The following SOX5 variants were observed in gnomAD, a reference collection of about 807,000 sequenced individuals.
SOX5 encodes the protein SRY-box transcription factor 5, also known as transcription factor SOX-5.
Under a neutral mutation model 92.0 loss-of-function variants are expected in SOX5, and 9 were observed. The ratio of observed to expected loss-of-function variants is 0.10; its 90% CI spans 0.06 to 0.17. SOX5 has a LOEUF of 0.17. Ranked by LOEUF, SOX5 falls within the 10% of genes least tolerant of loss-of-function variation. The pLI, the probability that SOX5 is intolerant of heterozygous loss-of-function variation, is 1.00. For synonymous variants in SOX5, 344 were observed against 336.3 expected (o/e 1.02, Z -0.25); for missense variants, 642 against 944.5 (o/e 0.68, Z 4.20).
intron 1 of SOX5, among the ~76,000 whole-genome samples, chr12:23,939,359 G>A (rs1156604356): frequency 6.6e-6 from 1 of 150,930 alleles, no homozygotes; most frequent in Admixed American, 6.6e-5. Context: ...CTGGTTCAGT[G>A]AGGTTATTTT....
At chr12:24,364,082 C>T (rs1024966465) in intron 2 of SOX5, among the ~76,000 whole-genome samples, 3 of 151,994 alleles carry the variant, frequency 2.0e-5, no homozygotes, top group Non-Finnish European at 4.4e-5. Context: ...GAGAAAAATC[C>T]CAATCAGTGA....
chr12:24,268,454 G>A (rs992690448), intron 3 of SOX5, among the ~76,000 whole-genome samples: 8 of 152,002 alleles, frequency 5.3e-5, no homozygotes, highest in Non-Finnish European at 5.9e-5. Flanking sequence ...AGAGATTTAC[G>A]TGTACAATAA....
intron 1 of SOX5, among the ~76,000 whole-genome samples, chr12:24,542,320 C>T (rs540418731): frequency 1.3e-5 from 2 of 152,316 alleles, no homozygotes; most frequent in Admixed American, 1.3e-4. Context: ...CTTTTCATAC[C>T]ATAGCCCAAA....
intron 2 of SOX5, among the ~76,000 whole-genome samples, chr12:24,282,809 C>T (rs1329670547): frequency 6.6e-6 from 1 of 152,148 alleles, no homozygotes; most frequent in African/African-American, 2.4e-5. Flanking sequence ...CATCTGAAGC[C>T]AGCACCTGCA....
rs766582468 is a variant in SOX5, at chr12:23,967,631, C to G, written c.-1-71607G>C. Among the ~76,000 whole-genome samples the G allele has an allele frequency of 4.6e-5, 7 of 152,190 alleles. No homozygotes were observed. In the East Asian group the frequency reaches 1.3e-3, roughly 29 times the overall value. On this transcript the variant is annotated intron_variant, in intron 4 of 4. Transcript: ENST00000446891. ...GCCAATGGTTACAACAAAAACACTA[C>G]ATTTTATCTCTGCAATAAAACATTG...
intron 1 of SOX5, among the ~76,000 whole-genome samples, chr12:24,424,823 G>A (rs1657689607): frequency 6.9e-6 from 1 of 144,052 alleles, no homozygotes; most frequent in South Asian, 2.2e-4. Context: ...GGGGGGGATG[G>A]CTGTTTTTCC....
At chr12:24,287,245 G>A (rs758793411) in intron 2 of SOX5, among the ~76,000 whole-genome samples, 5 of 152,092 alleles carry the variant, frequency 3.3e-5, no homozygotes, top group Non-Finnish European at 5.9e-5. Flanking sequence ...AACTTACAAG[G>A]TATTTTTAGT....
intron 2 of SOX5, among the ~76,000 whole-genome samples, chr12:23,887,477 T>A (rs1356703536): frequency 6.6e-6 from 1 of 152,216 alleles, no homozygotes; most frequent in African/African-American, 2.4e-5. Flanking sequence ...TAATCCTTCC[T>A]TAATGCATGT....
intron 1 of SOX5, among the ~76,000 whole-genome samples, chr12:24,441,318 C>G (rs915612890): frequency 2.0e-5 from 3 of 152,188 alleles, no homozygotes; most frequent in Non-Finnish European, 4.4e-5. Context: ...TTTATGCAAT[C>G]TTTCTCCTCC....
intron 9 of SOX5, among the ~76,000 whole-genome samples, chr12:23,602,278 G>T (rs1284526259): frequency 6.6e-6 from 1 of 152,076 alleles, no homozygotes; most frequent in Non-Finnish European, 1.5e-5. Flanking sequence ...AGTCTATGAG[G>T]TTCTATGAAT....
At chr12:24,138,776 A>T (rs1390896679) in intron 4 of SOX5, among the ~76,000 whole-genome samples, 1 of 152,156 alleles carries the variant, frequency 6.6e-6, no homozygotes. Context: ...GAGACATAAA[A>T]ATTTCTCTCA....
intron 2 of SOX5, among the ~76,000 whole-genome samples, chr12:24,297,830 C>T (rs1033312671): frequency 5.9e-5 from 9 of 152,306 alleles, no homozygotes; most frequent in East Asian, 5.8e-4. Flanking sequence ...GCAGGAGTAA[C>T]GATGTTTATC....
chr12:24,203,439 G>A (rs142775159), intron 4 of SOX5, among the ~76,000 whole-genome samples: 30 of 152,272 alleles, frequency 2.0e-4, no homozygotes, highest in Middle Eastern at 3.4e-3. Context: ...CACCACCACT[G>A]GGGTGTTAAT....
intron 4 of SOX5, among the ~76,000 whole-genome samples, chr12:24,040,068 A>C (rs1368790829): frequency 6.6e-6 from 1 of 152,202 alleles, no homozygotes; most frequent in African/African-American, 2.4e-5. Flanking sequence ...CAATGTGATC[A>C]AACAGATCAA....
chr12:24,409,937 T>C (rs1441844970), intron 1 of SOX5, among the ~76,000 whole-genome samples: 1 of 152,154 alleles, frequency 6.6e-6, no homozygotes, highest in Admixed American at 6.6e-5. Context: ...TATTCCAATC[T>C]GTAGCTTGGT....
At chr12:24,243,781 C>T (rs1937984670) in intron 3 of SOX5, among the ~76,000 whole-genome samples, 1 of 151,938 alleles carries the variant, frequency 6.6e-6, no homozygotes, top group Non-Finnish European at 1.5e-5. Context: ...TCCCTTAGCC[C>T]AATCCCAGTG....
At chr12:24,244,327 A>G (rs1938164932) in intron 3 of SOX5, among the ~76,000 whole-genome samples, 2 of 152,180 alleles carry the variant, frequency 1.3e-5, no homozygotes, top group African/African-American at 4.8e-5. Flanking sequence ...GATGCATGTA[A>G]TGCAAATGCA....
intron 1 of SOX5, among the ~76,000 whole-genome samples, chr12:24,452,678 A>G (rs1256559161): frequency 6.6e-6 from 1 of 152,204 alleles, no homozygotes; most frequent in African/African-American, 2.4e-5. Flanking sequence ...TTGATGGGTT[A>G]GAGGGCAAGA....
intron 4 of SOX5, among the ~76,000 whole-genome samples, chr12:24,167,502 C>G (rs1420073382): frequency 1.3e-5 from 2 of 152,152 alleles, no homozygotes; most frequent in East Asian, 1.9e-4. Flanking sequence ...TTTCTACTGG[C>G]CCTTCTGGAC....
Sources: allele counts gnomAD v4.1 joint callset (sites outside exome capture counted in the v4.1 genomes callset), GRCh38; gene constraint gnomAD v4.1.1; transcripts MANE v1.5; gene names NCBI Gene and HGNC (gene_info 2026-07-23, HGNC 2026-07-21).